The following VTCN1 variants were observed in gnomAD, a reference collection of about 807,000 sequenced individuals.
The protein encoded by VTCN1 is V-set domain containing T cell activation inhibitor 1.
A neutral mutation model predicts 26.5 loss-of-function variants in VTCN1; 26 were observed. The observed-to-expected ratio is 0.98, with a 90% CI of 0.72 to 1.36. VTCN1 has a LOEUF of 1.36. Among genes scored for constraint, VTCN1 ranks in the 40% most tolerant of loss-of-function variants. VTCN1 has a pLI of 0.00. For missense variants in VTCN1, 298 were observed against 337.7 expected (o/e 0.88, Z 0.92); for synonymous variants, 116 against 130.7 (o/e 0.89, Z 0.77).
In VTCN1 at chr1:117,147,984, TCCAC is replaced by T. The variant is rs1651604360; in HGVS notation, c.725-206_725-203del. 6.6e-6 allele frequency among the ~76,000 whole-genome samples: 1 copy of T among 152,190 alleles called. No individual in the cohort carries two copies. The highest frequency in any genetic ancestry group is 6.5e-5 in the Admixed American group (1 of 15,282). On this transcript the variant is annotated intron_variant, in intron 4 of 5. Transcript: ENST00000369458. This position sits in a 1 kb window ranked among gnomAD's most constrained non-coding sequence, Gnocchi z 4.6. Reference sequence around the variant, plus strand: ...CTTCAAAGAAAATTCCATTCTGTGGTCCACTCCAGTGAACACTCAGCCGAATGAA... The same window carrying T: ...CTTCAAAGAAAATTCCATTCTGTGGTTCCAGTGAACACTCAGCCGAATGAA...
intron 2 of VTCN1, among the ~76,000 whole-genome samples, chr1:117,158,630 T>C (rs1160261784): frequency 1.3e-5 from 2 of 152,188 alleles, no homozygotes; most frequent in African/African-American, 2.4e-5. Context: ...TTTTCCCCAT[T>C]GTCTTAGGGA....
intron 2 of VTCN1, among the ~76,000 whole-genome samples, chr1:117,166,102 T>A (rs1892411): frequency 0.054 from 8,265 of 152,286 alleles, 280 homozygotes; most frequent in South Asian, 0.085. Flanking sequence ...TTCCATCTAT[T>A]CACACCTCCA....
At chr1:117,191,302 A>G (rs1445511268) in intron 1 of VTCN1, among the ~76,000 whole-genome samples, 1 of 152,246 alleles carries the variant, frequency 6.6e-6, no homozygotes, top group Non-Finnish European at 1.5e-5. Flanking sequence ...GATCAAATAT[A>G]TCCATTATGG....
intron 1 of VTCN1, among the ~76,000 whole-genome samples, chr1:117,174,713 G>A (rs1647222888): frequency 6.6e-6 from 1 of 152,178 alleles, no homozygotes; most frequent in Non-Finnish European, 1.5e-5. Context: ...ATTACAATGA[G>A]CCAAGATCTA....
chr1:117,157,687 G>A (rs376250675), intron 2 of VTCN1, among the ~76,000 whole-genome samples: 9 of 152,108 alleles, frequency 5.9e-5, no homozygotes, highest in East Asian at 1.9e-4. Flanking sequence ...CAAATCTCAC[G>A]TTCTCACATT....
intron 1 of VTCN1, 99 bp downstream of exon 1, chr1:117,210,725 G>C (rs1649308148): frequency 7.8e-7 from 1 of 1,282,284 alleles, no homozygotes; most frequent in Admixed American, 1.8e-5. Context: ...AAAATTACAG[G>C]TGGGGTCCTA....
At chr1:117,205,045 G>C (rs933423860) in intron 1 of VTCN1, among the ~76,000 whole-genome samples, 4 of 147,680 alleles carry the variant, frequency 2.7e-5, no homozygotes, top group Admixed American at 6.8e-5. Flanking sequence ...TACGTGTCCT[G>C]TATATGTATA....
rs1302361864 is a variant in VTCN1, at chr1:117,183,948, C to G, written c.33-13777G>C. On this transcript the variant is annotated intron_variant, in intron 1 of 5. Transcript: ENST00000369458. The surrounding 1 kb of genome is among the most constrained non-coding windows in gnomAD (Gnocchi z 4.1). ...CGCAATGGCTATGCATTCCAGGGAC[C>G]AAAAGCTTCTGTCTTCAGAGCCATA... Among the ~76,000 whole-genome samples the G allele has an allele frequency of 6.6e-6, 1 of 151,996 alleles. No individual in the cohort carries two copies. Among genetic ancestry groups the G allele is most frequent in the Non-Finnish European group, 1.5e-5 (1 of 68,006 alleles).
chr1:117,153,515 C>A (rs1651913039), intron 3 of VTCN1, 146 bp from the exon 4 acceptor site: 2 of 871,746 alleles, frequency 2.3e-6, no homozygotes, highest in Non-Finnish European at 3.4e-6. Flanking sequence ...CTCAGAGGTC[C>A]ACCTGTGTAT....
chr1:117,179,675 T>C (rs1303068803), intron 1 of VTCN1, among the ~76,000 whole-genome samples: 3 of 152,210 alleles, frequency 2.0e-5, no homozygotes, highest in African/African-American at 4.8e-5. Flanking sequence ...TTCAAATAAT[T>C]AGTTACATGA....
At chr1:117,191,026 T>C (rs1648218548) in intron 1 of VTCN1, among the ~76,000 whole-genome samples, 1 of 151,584 alleles carries the variant, frequency 6.6e-6, no homozygotes, top group South Asian at 2.1e-4. Flanking sequence ...TAAACAAAAA[T>C]CAGAAAAACA....
intron 3 of VTCN1, among the ~76,000 whole-genome samples, chr1:117,154,136 C>G (rs754024498): frequency 2.0e-5 from 3 of 152,170 alleles, no homozygotes; most frequent in Admixed American, 1.3e-4. Flanking sequence ...AAAAGGAAAG[C>G]CCTTGCCTAA....
chr1:117,177,263 T>C (rs1293711072), intron 1 of VTCN1, among the ~76,000 whole-genome samples: 2 of 152,304 alleles, frequency 1.3e-5, no homozygotes, highest in African/African-American at 4.8e-5. Flanking sequence ...TCCTAGATAT[T>C]GATTAGCATA....
At chr1:117,148,417 G>A (rs1651623940) in intron 4 of VTCN1, among the ~76,000 whole-genome samples, 2 of 152,268 alleles carry the variant, frequency 1.3e-5, no homozygotes, top group South Asian at 4.1e-4. Context: ...GGATTAATGA[G>A]TTAGTGCATG....
At chr1:117,206,188 A>G (rs970378448) in intron 1 of VTCN1, among the ~76,000 whole-genome samples, 1 of 151,068 alleles carries the variant, frequency 6.6e-6, no homozygotes, top group Admixed American at 6.6e-5. Context: ...GGAGAACTCT[A>G]TGAGTATTCT....
At chr1:117,189,150 C>T (rs541121485) in intron 1 of VTCN1, among the ~76,000 whole-genome samples, 7 of 152,266 alleles carry the variant, frequency 4.6e-5, no homozygotes, top group African/African-American at 1.7e-4. Flanking sequence ...CCAACTTCTA[C>T]CCTTCTTATC....
At chr1:117,206,148 AT>A (rs34913979) in intron 1 of VTCN1, among the ~76,000 whole-genome samples, 10,061 of 148,000 alleles carry the variant, frequency 0.068, 1,076 homozygotes, top group African/African-American at 0.23. Context: ...TATTATTATC[AT>A]TTTTTTTTTT....
At chr1:117,185,494 C>T (rs998991880) in intron 1 of VTCN1, among the ~76,000 whole-genome samples, 1 of 151,648 alleles carries the variant, frequency 6.6e-6, no homozygotes, top group African/African-American at 2.4e-5. Context: ...GAATGGACCC[C>T]TCCTCTTGGC....
In VTCN1 at chr1:117,175,873, C is replaced by T. The variant is rs911192983; in HGVS notation, c.33-5702G>A. ...GCAACCTCCGCCTCCCAGGTTCAAG[C>T]GATTCTCCCGTCTCAGCTTCCCGAG... On this transcript the variant is annotated intron_variant, in intron 1 of 5. Transcript: ENST00000369458. The surrounding 1 kb of genome is among the most constrained non-coding windows in gnomAD (Gnocchi z 4.2). 2.6e-5 allele frequency among the ~76,000 whole-genome samples: 4 copies of T among 151,320 alleles called. No individual in the cohort carries two copies. The highest frequency in any genetic ancestry group is 9.8e-5 in the African/African-American group (4 of 40,998).
Sources: gnomAD v4.1 joint callset for allele counts (sites outside exome capture counted in the v4.1 genomes callset) on GRCh38, gnomAD v4.1.1 for gene constraint, Gnocchi (gnomAD v3.1) non-coding constraint, MANE v1.5 for transcripts, NCBI Gene and HGNC (gene_info 2026-07-23, HGNC 2026-07-21) for gene names.